Variants in SRGAP3 observed in about 807,000 individuals in gnomAD.
The protein encoded by SRGAP3 is SLIT-ROBO Rho GTPase-activating protein 3.
In SRGAP3, 39 loss-of-function variants were observed where a neutral mutation model predicts 121.1. The observed-to-expected ratio is 0.32, with a 90% confidence interval of 0.25 to 0.42. The LOEUF is 0.42. SRGAP3 is among the 10% of genes least tolerant of loss of function. SRGAP3 has a pLI of 1.00. For missense variants in SRGAP3, 1,213 were observed against 1,470.6 expected (o/e 0.82, Z 2.86); for synonymous variants, 601 against 570.0 (o/e 1.05, Z -0.77).
chr3:9,060,155 G>GCC, intron 6 of SRGAP3, 76 bp downstream of exon 6: 1 of 1,607,546 alleles, frequency 6.2e-7, no homozygotes, highest in Non-Finnish European at 8.5e-7. Context: ...ACAAAGACCA[G>GCC]CCCCTCCTTC....
At chr3:9,283,129 C>T (rs548743932) in intron 3 of SRGAP3, among the ~76,000 whole-genome samples, 3 of 151,968 alleles carry the variant, frequency 2.0e-5, no homozygotes, top group South Asian at 2.1e-4. Context: ...GTTGTAGAGA[C>T]GGGGTTTCTC....
At chr3:9,078,258 A>C (rs1246557860) in intron 4 of SRGAP3, among the ~76,000 whole-genome samples, 2 of 152,132 alleles carry the variant, frequency 1.3e-5, no homozygotes, top group Non-Finnish European at 2.9e-5. Context: ...CCTAGGTGGG[A>C]ATGAATGGGG....
intron 3 of SRGAP3, among the ~76,000 whole-genome samples, chr3:9,098,163 G>A (rs1948066110): frequency 6.6e-6 from 1 of 152,086 alleles, no homozygotes; most frequent in Non-Finnish European, 1.5e-5. Context: ...ATCCCTCTCT[G>A]CTGTATCTGA....
intron 1 of SRGAP3, among the ~76,000 whole-genome samples, chr3:9,224,237 T>G (rs1331242499): frequency 6.6e-6 from 1 of 152,186 alleles, no homozygotes; most frequent in Non-Finnish European, 1.5e-5. Context: ...GACTCAGACC[T>G]CTGGAAGCCC....
chr3:9,295,200 C>T (rs1350620377), intron 3 of SRGAP3, among the ~76,000 whole-genome samples: 1 of 152,186 alleles, frequency 6.6e-6, no homozygotes, highest in Non-Finnish European at 1.5e-5. Flanking sequence ...GGAGCTCTTC[C>T]TCTAATGAAG....
intron 1 of SRGAP3, among the ~76,000 whole-genome samples, chr3:9,195,287 T>G (rs543991342): frequency 1.3e-5 from 2 of 152,370 alleles, no homozygotes; most frequent in East Asian, 3.9e-4. Context: ...TAATTATAAC[T>G]TTACATGATT....
chr3:8,992,843 C>T (rs1942139968), intron 20 of SRGAP3, 63 bp downstream of exon 20: 2 of 1,613,544 alleles, frequency 1.2e-6, no homozygotes, highest in Non-Finnish European at 1.7e-6. Flanking sequence ...CCTTGTGCTT[C>T]TCCCAAATCA....
chr3:8,985,416 C>G lies in SRGAP3; in HGVS notation c.*103G>C, dbSNP rs1167564814. The G allele has an allele frequency of 6.3e-5, 97 of 1,550,500 alleles. No individual in the cohort carries two copies. Among genetic ancestry groups the G allele is most frequent in the Non-Finnish European group, 7.7e-5 (89 of 1,155,908 alleles). ...ACACACCCTCCCAGACGGACCTCTG[C>G]CCTCCAAGGCCAGGGTCACTGGGAA... On this transcript the variant is annotated 3_prime_UTR_variant, in exon 22 of 22. Coordinates refer to ENST00000383836, the MANE Select transcript of SRGAP3 (RefSeq NM_014850.4). The surrounding 1 kb of genome is among the most constrained non-coding windows in gnomAD (Gnocchi z 5.1).
chr3:9,190,833 T>C (rs1020100521), intron 1 of SRGAP3, among the ~76,000 whole-genome samples: 4 of 152,104 alleles, frequency 2.6e-5, no homozygotes, highest in Non-Finnish European at 4.4e-5. Flanking sequence ...AGTCAAGTGG[T>C]ATGTCACATC....
chr3:9,081,767 C>T (rs1290882609), intron 3 of SRGAP3, among the ~76,000 whole-genome samples: 1 of 152,164 alleles, frequency 6.6e-6, no homozygotes, highest in Non-Finnish European at 1.5e-5. Flanking sequence ...AGGTTCCATG[C>T]AGCTTGAAGA....
At chr3:9,256,944 C>T (rs1047190577) in intron 3 of SRGAP3, 1 of 397,794 alleles carries the variant, frequency 2.5e-6, no homozygotes, top group African/African-American at 2.1e-5. Flanking sequence ...GAGTTTAAAC[C>T]CTGGCTCCAC....
chr3:9,008,561 A>G (rs2125012633), intron 18 of SRGAP3, among the ~76,000 whole-genome samples: 1 of 152,282 alleles, frequency 6.6e-6, no homozygotes, highest in South Asian at 2.1e-4. Context: ...TAAAAGGGAT[A>G]GAGGGAGGGG....
intron 1 of SRGAP3, among the ~76,000 whole-genome samples, chr3:9,360,958 G>C (rs2030770451): frequency 6.6e-6 from 1 of 152,042 alleles, no homozygotes; most frequent in Admixed American, 6.6e-5. Context: ...TTGATTTTTT[G>C]TTTTTTACTT....
Position 9,104,839 on chromosome 3 carries a change from C to T in SRGAP3, c.264G>A (p.Lys88=), listed in dbSNP as rs769130848. 1 of 1,614,246 alleles carries T rather than the reference C, an allele frequency of 6.2e-7. No individual in the cohort carries two copies. Among genetic ancestry groups the T allele is most frequent in the Admixed American group, 1.7e-5 (1 of 60,034 alleles). Reference sequence around the variant, plus strand: ...TCACAGGCGAGAGGAGGTACTGGTCCTTCCTGTGGAAACCAAGAAAGCTCA... The same window carrying T: ...TCACAGGCGAGAGGAGGTACTGGTCTTTCCTGTGGAAACCAAGAAAGCTCA... ...IRSSREHQFK[K]DQYLLSPVNC... is the part of the protein sequence containing the mutation. Residue 88 remains lysine (K), a synonymous_variant, in exon 3 of 22, where the codon AAG becomes AAA. Coordinates refer to ENST00000383836, the MANE Select transcript of SRGAP3 (RefSeq NM_014850.4).
chr3:9,273,704 G>C (rs1460755928), intron 3 of SRGAP3, among the ~76,000 whole-genome samples: 1 of 152,054 alleles, frequency 6.6e-6, no homozygotes, highest in Non-Finnish European at 1.5e-5. Context: ...TTCTCTAAGA[G>C]CTTTATCGTT....
intron 4 of SRGAP3, among the ~76,000 whole-genome samples, chr3:9,077,092 C>T (rs1947005650): frequency 6.6e-6 from 1 of 152,042 alleles, no homozygotes; most frequent in Non-Finnish European, 1.5e-5. Context: ...AGGTATATCT[C>T]GTAATGCTAT....
intron 3 of SRGAP3, among the ~76,000 whole-genome samples, chr3:9,093,806 A>C (rs1036821879): frequency 6.6e-6 from 1 of 152,188 alleles, no homozygotes; most frequent in Admixed American, 6.5e-5. Context: ...CTCCCCATTC[A>C]AGAACCTTCA....
At chr3:9,269,338 T>C (rs1475926475) in intron 3 of SRGAP3, among the ~76,000 whole-genome samples, 1 of 152,176 alleles carries the variant, frequency 6.6e-6, no homozygotes, top group Non-Finnish European at 1.5e-5. Flanking sequence ...TGCTGTATTA[T>C]GAGGCAAGAG....
rs1168280949 is a variant in SRGAP3, at chr3:8,982,768, G to A, written c.*2751C>T. 1 of 221,190 alleles carries A rather than the reference G, an allele frequency of 4.5e-6. No homozygotes were observed. Among genetic ancestry groups the A allele is most frequent in the African/African-American group, 2.2e-5 (1 of 44,470 alleles). The allele number at this position is 221,190 out of a possible 1,614,324, so 13.7% of individuals were successfully genotyped here. On this transcript the variant is annotated 3_prime_UTR_variant, in exon 22 of 22. Coordinates refer to ENST00000383836, the MANE Select transcript of SRGAP3 (RefSeq NM_014850.4). ...TGCGTCAAGGCTCAGATCTGGGGCT[G>A]GATGAGTGGGGAGACGTCTGCCATC...
Sources: allele counts gnomAD v4.1 joint callset (sites outside exome capture counted in the v4.1 genomes callset), GRCh38; gene constraint gnomAD v4.1.1; non-coding constraint Gnocchi (gnomAD v3.1); transcripts MANE v1.5; gene names NCBI Gene and HGNC (gene_info 2026-07-23, HGNC 2026-07-21).